Variants in SPAG9 observed in about 807,000 individuals in gnomAD.
SPAG9 encodes the protein sperm associated antigen 9, also known as C-Jun-amino-terminal kinase-interacting protein 4.
A neutral mutation model predicts 166.5 loss-of-function variants in SPAG9; 35 were observed. The observed-to-expected ratio is 0.21, with a 90% CI of 0.16 to 0.28. The LOEUF (loss-of-function observed/expected upper bound fraction) is 0.28, where lower values mean the gene tolerates loss of function less well. Ranked by LOEUF, SPAG9 falls within the 10% of genes least tolerant of loss-of-function variation. The pLI, the probability that SPAG9 is intolerant of heterozygous loss-of-function variation, is 1.00. For synonymous variants in SPAG9, 534 were observed against 565.5 expected (o/e 0.94, Z 0.79); for missense variants, 1,235 against 1,603.3 (o/e 0.77, Z 3.92).
intron 1 of SPAG9, among the ~76,000 whole-genome samples, chr17:51,108,598 G>T (rs578058230): frequency 6.6e-6 from 1 of 151,998 alleles, no homozygotes; most frequent in South Asian, 2.1e-4. Flanking sequence ...CTGGGCTCAA[G>T]GGATCCTCCC....
intron 1 of SPAG9, among the ~76,000 whole-genome samples, chr17:51,098,396 A>G (rs1598178015): frequency 7.1e-6 from 1 of 140,564 alleles, no homozygotes; most frequent in Non-Finnish European, 1.6e-5. Flanking sequence ...AATCACAAAC[A>G]CCCTGAGTGA....
chr17:50,981,543 A>AT (rs1360553371), intron 25 of SPAG9, among the ~76,000 whole-genome samples: 9 of 152,088 alleles, frequency 5.9e-5, no homozygotes, highest in Non-Finnish European at 8.8e-5. Context: ...GAAAGAAAGA[A>AT]AGAATAGATA....
At chr17:51,077,093 T>G (rs77292676) in intron 2 of SPAG9, among the ~76,000 whole-genome samples, 3,745 of 55,580 alleles carry the variant, frequency 0.067, 74 homozygotes, top group Admixed American at 0.095. Context: ...TAGCTAGCTA[T>G]CTATCTAGCT....
chr17:51,102,611 T>C (rs1384747430), intron 1 of SPAG9, among the ~76,000 whole-genome samples: 3 of 151,734 alleles, frequency 2.0e-5, no homozygotes, highest in Non-Finnish European at 4.4e-5. Flanking sequence ...CAAGCGATTC[T>C]CCTGCCTCAG....
intron 5 of SPAG9, among the ~76,000 whole-genome samples, chr17:51,035,132 A>AG (rs2144330552): frequency 6.6e-6 from 1 of 152,334 alleles, no homozygotes; most frequent in East Asian, 1.9e-4. Flanking sequence ...CAACATAGTG[A>AG]GGCCCTGTCT....
At chr17:50,996,450 C>T (rs2044683703) in intron 16 of SPAG9, 115 bp downstream of exon 16, 1 of 1,206,890 alleles carries the variant, frequency 8.3e-7, no homozygotes, top group African/African-American at 1.5e-5. Flanking sequence ...TGTGCCCAGT[C>T]CATGCGGCTG....
chr17:51,084,058 A>G (rs2048242160), intron 1 of SPAG9: 1 of 152,128 alleles, frequency 6.6e-6, no homozygotes, highest in Non-Finnish European at 1.5e-5. Context: ...TAAATATAGG[A>G]AAAGAGGCAA....
chr17:51,001,834 G>A lies in SPAG9; in HGVS notation c.1488C>T (p.Pro496=). ...KAKDDDDSDI[P]TAQRKRFTRV... ...TAGTAAACCGTTTCCTCTGGGCTGT[G>A]GGAATATCACTCTATAATGACAAGA... The change falls in exon 13 of 30, where the codon CCC becomes CCT. Residue 496 remains proline (P), a synonymous_variant. Transcript: ENST00000262013. 1 of 1,612,568 alleles carries A rather than the reference G, an allele frequency of 6.2e-7. No individual in the cohort carries two copies. Among genetic ancestry groups the A allele is most frequent in the South Asian group, 1.1e-5 (1 of 90,816 alleles).
chr17:51,041,719 G>GTAA, intron 4 of SPAG9, 68 bp from the exon 5 acceptor site: 2 of 1,464,430 alleles, frequency 1.4e-6, no homozygotes, highest in Non-Finnish European at 1.9e-6. Flanking sequence ...ATGACTATAA[G>GTAA]TAATAAGCCT....
intron 12 of SPAG9, among the ~76,000 whole-genome samples, chr17:51,003,406 G>A (rs187114102): frequency 1.3e-5 from 2 of 152,228 alleles, no homozygotes; most frequent in African/African-American, 4.8e-5. Context: ...TCGTCACTCA[G>A]AAAATAGTTA....
Position 51,031,720 on chromosome 17 carries a change from G to A in SPAG9, c.744C>T (p.Val248=), listed in dbSNP as rs1442445705. The change falls in exon 6 of 30, where the codon GTC becomes GTT. Residue 248 remains valine, a splice_region_variant and synonymous_variant. Coordinates refer to ENST00000262013, the MANE Select transcript of SPAG9 (RefSeq NM_001130528.3). ...CCTTCTGAGGTTCAGGACTATTGCT[G>A]ACCTAGGAAGAGGGAAGATTATAAA... The part of the protein sequence containing the change: ...SQPRSHTSLK[V]SNSPEPQKAV... The A allele has an allele frequency of 1.3e-6, 2 of 1,549,990 alleles. No homozygotes were observed. Among genetic ancestry groups the A allele is most frequent in the Non-Finnish European group, 8.7e-7 (1 of 1,145,650 alleles).
chr17:51,083,189 A>G (rs1344656683), intron 1 of SPAG9, among the ~76,000 whole-genome samples: 1 of 151,570 alleles, frequency 6.6e-6, no homozygotes, highest in Non-Finnish European at 1.5e-5. Flanking sequence ...AAAATCCAAT[A>G]AATTCCTTTT....
rs772012975 is a variant in SPAG9, at chr17:50,987,136, A to G, written c.2915T>C (p.Met972Thr). ...CCAGCCATTTTGAGCTCCAAGCCAC[A>G]TAGTTGGTAAAAGACTACTCATTTT... ...AQKMSSLLPT[M>T]WLGAQNGCLY... The change falls in exon 22 of 30, where the codon ATG (methionine) becomes ACG (threonine). Residue 972 changes from methionine to threonine, a missense_variant. Physicochemically the swap from Met to Thr is moderately conservative, Grantham distance 81. This residue lies in a region of SPAG9 where 493 missense variants were observed against 559.4 expected (regional missense o/e 0.88). Coordinates refer to ENST00000262013, the MANE Select transcript of SPAG9 (RefSeq NM_001130528.3). 4 of 1,612,880 alleles carry G rather than the reference A, an allele frequency of 2.5e-6. No homozygotes were observed. The highest frequency in any genetic ancestry group is 3.4e-6 in the Non-Finnish European group (4 of 1,179,570).
At chr17:50,995,729 A>T in intron 16 of SPAG9, 196 bp from the exon 17 acceptor site, 2 of 539,306 alleles carry the variant, frequency 3.7e-6, no homozygotes, top group South Asian at 2.4e-5. Flanking sequence ...TGGCTTGATC[A>T]TGGCTCACTG....
chr17:51,058,850 G>A (rs1409048230), intron 2 of SPAG9, among the ~76,000 whole-genome samples: 2 of 152,182 alleles, frequency 1.3e-5, no homozygotes, highest in South Asian at 2.1e-4. Context: ...AACTTGGTAT[G>A]CCCAATTTAA....
intron 12 of SPAG9, among the ~76,000 whole-genome samples, chr17:51,002,501 G>T (rs2044999288): frequency 6.6e-6 from 1 of 152,062 alleles, no homozygotes; most frequent in Non-Finnish European, 1.5e-5. Context: ...AATAGTAGGG[G>T]GCTGGACGCA....
chr17:50,995,098 C>T lies in SPAG9; in HGVS notation c.2185G>A (p.Ala729Thr). 6.2e-7 allele frequency: 1 copy of T among 1,613,962 alleles called. No homozygotes were observed. The highest frequency in any genetic ancestry group is 2.2e-5 in the East Asian group (1 of 44,878). The stretch of plus-strand genomic sequence containing the variant: ...AACTTATCTAAACTACTCTGAGAGG[C>T]ACTTCGCTGTTTACTGCCTTCTGTA... ...LDTEGSKQRSASQSSLDKLDQ... is the reference protein window; with the variant it reads ...LDTEGSKQRSTSQSSLDKLDQ... Residue 729 changes from alanine (A) to threonine (T), a missense_variant, in exon 18 of 30, where the codon GCC (alanine) becomes ACC (threonine). Physicochemically the swap from Ala to Thr is moderately conservative, Grantham distance 58. Transcript: ENST00000262013.
At chr17:50,983,016 GTC>G (rs1267613463) in intron 24 of SPAG9, among the ~76,000 whole-genome samples, 2 of 152,270 alleles carry the variant, frequency 1.3e-5, no homozygotes, top group Admixed American at 1.3e-4. Flanking sequence ...TGGGAATAAC[GTC>G]TCTCAGTCAC....
At chr17:51,031,572 G>A (rs569662424) in intron 6 of SPAG9, 109 bp downstream of exon 6, 1 of 813,716 alleles carries the variant, frequency 1.2e-6, no homozygotes, top group South Asian at 1.5e-5. Flanking sequence ...TACAACAATA[G>A]TCTTCCAAGC....
Sources: gnomAD v4.1 joint callset for allele counts (sites outside exome capture counted in the v4.1 genomes callset) on GRCh38, gnomAD v4.1.1 for gene constraint, gnomAD v4.1.1 regional missense constraint, MANE v1.5 for transcripts, NCBI Gene and HGNC (gene_info 2026-07-23, HGNC 2026-07-21) for gene names.